The following PPP4R2 variants were observed in gnomAD, a reference collection of about 807,000 sequenced individuals.
The protein encoded by PPP4R2 is serine/threonine-protein phosphatase 4 regulatory subunit 2.
In PPP4R2, 13 loss-of-function variants were observed where a neutral mutation model predicts 47.2. That is an observed-to-expected ratio of 0.28 (90% confidence interval 0.18 to 0.44). The LOEUF is 0.44. Ranked by LOEUF, PPP4R2 falls within the 20% of genes least tolerant of loss-of-function variation. The pLI is 1.00. For missense variants in PPP4R2, 421 were observed against 491.2 expected, an observed-to-expected ratio of 0.86 and a Z score of 1.35; for synonymous variants, 151 against 163.3, an observed-to-expected ratio of 0.92 and a Z score of 0.57.
chr3:73,032,291 T>G (rs1191623896), intron 2 of PPP4R2, among the ~76,000 whole-genome samples: 1 of 146,476 alleles, frequency 6.8e-6, no homozygotes, highest in Admixed American at 6.8e-5. Flanking sequence ...AATTATTTCT[T>G]TTTTTTTTTT....
At chr3:73,002,043 ACT>A (rs757799175) in intron 2 of PPP4R2, among the ~76,000 whole-genome samples, 23 of 151,638 alleles carry the variant, frequency 1.5e-4, no homozygotes, top group Non-Finnish European at 3.1e-4. Context: ...CAGTCTTTAG[ACT>A]CTTACCTTTG....
At chr3:73,043,983 A>G (rs1233159934) in intron 2 of PPP4R2, among the ~76,000 whole-genome samples, 2 of 152,236 alleles carry the variant, frequency 1.3e-5, no homozygotes, top group African/African-American at 4.8e-5. Flanking sequence ...AAGTGGAATC[A>G]TACAATAGTC....
intron 3 of PPP4R2, among the ~76,000 whole-genome samples, chr3:73,050,551 C>G (rs1489514082): frequency 6.6e-6 from 1 of 152,074 alleles, no homozygotes; most frequent in Non-Finnish European, 1.5e-5. Context: ...ACTCCTCCCC[C>G]CATTTGTAAT....
At chr3:73,015,708 G>A in intron 2 of PPP4R2, 1 of 326,870 alleles carries the variant, frequency 3.1e-6, no homozygotes, top group Non-Finnish European at 6.3e-6. Context: ...CGCCATCTCG[G>A]CTCACTGCAA....
At chr3:73,014,984 G>A in intron 2 of PPP4R2, 2 of 691,842 alleles carry the variant, frequency 2.9e-6, no homozygotes, top group East Asian at 2.7e-5. Flanking sequence ...GATTGCAGAT[G>A]TAAGCAGCCT....
At chr3:73,042,807 T>C (rs1447671273) in intron 2 of PPP4R2, among the ~76,000 whole-genome samples, 1 of 152,208 alleles carries the variant, frequency 6.6e-6, no homozygotes, top group Non-Finnish European at 1.5e-5. Context: ...AATTGCATCG[T>C]ATTGATCTAA....
intron 2 of PPP4R2, among the ~76,000 whole-genome samples, chr3:73,020,255 G>T (rs1382547793): frequency 6.6e-6 from 1 of 152,140 alleles, no homozygotes; most frequent in African/African-American, 2.4e-5. Context: ...GAGTGTAGTG[G>T]TGGGACAATA....
intron 2 of PPP4R2, among the ~76,000 whole-genome samples, chr3:73,013,973 T>C (rs1290496958): frequency 2.3e-5 from 3 of 133,080 alleles, no homozygotes; most frequent in African/African-American, 7.8e-5. Context: ...AACACAAAAA[T>C]TTACCTCGTT....
chr3:73,057,655 T>C (rs1702754160), intron 3 of PPP4R2, among the ~76,000 whole-genome samples: 1 of 152,128 alleles, frequency 6.6e-6, no homozygotes, highest in Non-Finnish European at 1.5e-5. Flanking sequence ...ACTTTCAGAA[T>C]TTTTTGCACA....
chr3:73,039,386 G>T (rs1443690033), intron 2 of PPP4R2, among the ~76,000 whole-genome samples: 1 of 152,202 alleles, frequency 6.6e-6, no homozygotes, highest in Non-Finnish European at 1.5e-5. Context: ...GCCTCCCAAA[G>T]TGCAGGGATT....
intron 3 of PPP4R2, among the ~76,000 whole-genome samples, chr3:73,049,247 C>T (rs1469931511): frequency 1.3e-5 from 2 of 150,768 alleles, no homozygotes; most frequent in Non-Finnish European, 2.9e-5. Context: ...GCCTGTAATC[C>T]CAGCACTTTG....
rs1703022505 is a variant in PPP4R2 at position 73,067,466 on chromosome 3, A to C, written c.*1744A>C. ...CTGTCAGGTTCACAACAGCTAGATG[A>C]TATATTTATGACTATGTCTAATAGT... is the stretch of plus-strand genomic sequence containing the variant. On this transcript the variant is annotated 3_prime_UTR_variant, in exon 9 of 9. Transcript: ENST00000356692. The C allele has an allele frequency of 6.6e-6, 1 of 152,156 alleles. No homozygotes were observed. The highest frequency in any genetic ancestry group is 1.5e-5 in the Non-Finnish European group (1 of 67,996). 9.4% of individuals were successfully genotyped at this position (152,156 alleles called of 1,614,324 possible).
In PPP4R2 at chr3:73,066,243, T is replaced by TAC. The variant is rs1559573286; in HGVS notation, c.*522_*523insCA. On this transcript the variant is annotated 3_prime_UTR_variant, in exon 9 of 9. Coordinates refer to ENST00000356692, the MANE Select transcript of PPP4R2 (RefSeq NM_174907.4). ...ACTTTAAGTCATATATACATACATATATATATATATATATATATAATTCTA... is the reference window on the plus strand; with the variant it reads ...ACTTTAAGTCATATATACATACATATACATATATATATATATATATAATTCTA... 30 of 128,560 alleles carry TAC rather than the reference T, an allele frequency of 2.3e-4. No individual in the cohort carries two copies. Among genetic ancestry groups the TAC allele is most frequent in the African/African-American group, 9.1e-4 (29 of 31,940 alleles). The allele number at this position is 128,560 out of a possible 1,614,324, so 8.0% of individuals were successfully genotyped here.
intron 4 of PPP4R2, among the ~76,000 whole-genome samples, chr3:73,059,796 G>C (rs893668066): frequency 1.3e-5 from 2 of 151,966 alleles, no homozygotes; most frequent in Admixed American, 6.5e-5. Flanking sequence ...CTAGCCGGGC[G>C]TGGTGGTGCA....
At chr3:73,036,457 T>C (rs1230110392) in intron 2 of PPP4R2, among the ~76,000 whole-genome samples, 1 of 152,226 alleles carries the variant, frequency 6.6e-6, no homozygotes, top group Non-Finnish European at 1.5e-5. Context: ...ATTTGACCAA[T>C]ACACGTTGCA....
intron 2 of PPP4R2, among the ~76,000 whole-genome samples, chr3:73,035,368 C>G (rs1408013145): frequency 6.6e-6 from 1 of 151,962 alleles, no homozygotes; most frequent in Non-Finnish European, 1.5e-5. Context: ...TCACTGCACT[C>G]CAGCCTGGGT....
chr3:73,025,784 A>G (rs1702051701), intron 2 of PPP4R2, among the ~76,000 whole-genome samples: 1 of 152,248 alleles, frequency 6.6e-6, no homozygotes, highest in South Asian at 2.1e-4. Context: ...GCTTTTGAGC[A>G]GAGAAAAGAT....
chr3:73,014,299 T>C (rs995990482), intron 2 of PPP4R2, among the ~76,000 whole-genome samples: 1 of 111,068 alleles, frequency 9.0e-6, no homozygotes, highest in African/African-American at 3.0e-5. Context: ...TTTTTATATT[T>C]ATTTTTGAGA....
At chr3:73,029,229 C>T (rs552042253) in intron 2 of PPP4R2, among the ~76,000 whole-genome samples, 1 of 152,364 alleles carries the variant, frequency 6.6e-6, no homozygotes, top group African/African-American at 2.4e-5. Flanking sequence ...GCGTGAGCCA[C>T]TTCGCCTGGC....
Sources: allele counts gnomAD v4.1 joint callset (sites outside exome capture counted in the v4.1 genomes callset), GRCh38; gene constraint gnomAD v4.1.1; transcripts MANE v1.5; gene names NCBI Gene and HGNC (gene_info 2026-07-23, HGNC 2026-07-21).